Variants in PXDN observed in about 807,000 individuals in gnomAD.
PXDN encodes the protein peroxidasin.
In PXDN, 77 loss-of-function variants were observed where a neutral mutation model predicts 140.3. The ratio of observed to expected loss-of-function variants is 0.55; its 90% confidence interval spans 0.46 to 0.66. The LOEUF is 0.66. PXDN is among the 30% of genes least tolerant of loss of function. The pLI is 0.00. For synonymous variants in PXDN, 911 were observed against 857.4 expected, an observed-to-expected ratio of 1.06 and a Z score of -1.09; for missense variants, 1,838 against 2,039.5, an observed-to-expected ratio of 0.90 and a Z score of 1.90.
intron 14 of PXDN, among the ~76,000 whole-genome samples, chr2:1,658,424 C>G (rs998418424): frequency 6.6e-6 from 1 of 151,944 alleles, no homozygotes; most frequent in East Asian, 2.0e-4. Flanking sequence ...GCCCAGCAGT[C>G]CCCCCACAGT....
intron 1 of PXDN, among the ~76,000 whole-genome samples, chr2:1,723,162 T>C (rs747013737): frequency 3.4e-5 from 5 of 148,848 alleles, no homozygotes; most frequent in Non-Finnish European, 7.4e-5. Context: ...GACTGGAAAA[T>C]GGATGAGTAG....
At chr2:1,657,864 G>A (rs1329830313) in intron 14 of PXDN, among the ~76,000 whole-genome samples, 1 of 142,650 alleles carries the variant, frequency 7.0e-6, no homozygotes, top group Non-Finnish European at 1.5e-5. Context: ...TCCTGACAAG[G>A]ACGTGCCCCC....
At chr2:1,701,694 C>A (rs553764052) in intron 1 of PXDN, among the ~76,000 whole-genome samples, 2 of 152,182 alleles carry the variant, frequency 1.3e-5, no homozygotes, top group African/African-American at 4.8e-5. Context: ...TGAGCCCCCA[C>A]GGCTGCAGAC....
chr2:1,718,659 G>GCA (rs1440003901), intron 1 of PXDN, among the ~76,000 whole-genome samples: 1 of 152,246 alleles, frequency 6.6e-6, no homozygotes. Context: ...CCACAGGGCA[G>GCA]CACACACGGG....
At position 1,694,144 on chromosome 2, in the gene PXDN, G is replaced by A. The variant is rs187616574; in HGVS notation, c.201-1010C>T. 9.9e-5 allele frequency among the ~76,000 whole-genome samples: 15 copies of A among 152,174 alleles called. No individual in the cohort carries two copies. The South Asian group carries it at 1.0e-3, about 11-fold the overall frequency. Reference sequence around the variant, plus strand: ...CATAGGTCCAATCTCTTTTAATATCGTCCAGTAGGGATCGGTACGGGTTGA... The same window carrying A: ...CATAGGTCCAATCTCTTTTAATATCATCCAGTAGGGATCGGTACGGGTTGA... On this transcript the variant is annotated intron_variant, in intron 1 of 22. Transcript: ENST00000252804.
intron 9 of PXDN, among the ~76,000 whole-genome samples, chr2:1,667,963 A>C (rs531796396): frequency 9.2e-5 from 14 of 152,356 alleles, no homozygotes; most frequent in African/African-American, 3.4e-4. Flanking sequence ...TTTAAATTTC[A>C]TATGGACCAA....
intron 9 of PXDN, among the ~76,000 whole-genome samples, chr2:1,672,664 C>T (rs1326057387): frequency 6.6e-5 from 10 of 152,224 alleles, no homozygotes. Context: ...AATTCTCAGT[C>T]ACTGATAACT....
intron 4 of PXDN, among the ~76,000 whole-genome samples, chr2:1,686,741 G>A (rs1009325328): frequency 1.3e-5 from 2 of 152,158 alleles, no homozygotes; most frequent in African/African-American, 4.8e-5. Context: ...GGAAACATGA[G>A]CACCGTGGGT....
At chr2:1,652,386 G>C (rs375981443) in intron 16 of PXDN, among the ~76,000 whole-genome samples, 1 of 152,240 alleles carries the variant, frequency 6.6e-6, no homozygotes, top group Admixed American at 6.5e-5. Flanking sequence ...TTGGGAAGGG[G>C]CTGGGACCCA....
chr2:1,693,018 G>C (rs1558511550), intron 2 of PXDN, 45 bp downstream of exon 2: 1 of 1,461,774 alleles, frequency 6.8e-7, no homozygotes, highest in Non-Finnish European at 9.4e-7. Flanking sequence ...ACAATGTAAT[G>C]ATTTCTATTT....
chr2:1,703,206 A>G (rs1210071933), intron 1 of PXDN, among the ~76,000 whole-genome samples: 2 of 29,588 alleles, frequency 6.8e-5, no homozygotes, highest in African/African-American at 2.0e-4. Context: ...TGAAAGAGGG[A>G]CAACTCCAGG....
chr2:1,650,662 C>T (rs1002462733), intron 16 of PXDN, among the ~76,000 whole-genome samples: 1 of 152,148 alleles, frequency 6.6e-6, no homozygotes, highest in Non-Finnish European at 1.5e-5. Context: ...TTTCCAGGCA[C>T]ATGTCATGCC....
intron 1 of PXDN, among the ~76,000 whole-genome samples, chr2:1,738,392 C>T (rs940740707): frequency 1.3e-5 from 2 of 152,150 alleles, no homozygotes; most frequent in African/African-American, 4.8e-5. Flanking sequence ...GTTCCCCTCC[C>T]AGAGCACTGA....
chr2:1,653,957 C>CA (rs772870801), intron 15 of PXDN, 172 bp from the exon 16 acceptor site: 3 of 745,830 alleles, frequency 4.0e-6, no homozygotes, highest in Non-Finnish European at 6.2e-6. Context: ...AAAAACAAAA[C>CA]AAACAGACAA....
rs566490259 is a variant in PXDN at position 1,633,108 on chromosome 2, T to C, written c.*1096A>G. On this transcript the variant is annotated 3_prime_UTR_variant, in exon 23 of 23. Coordinates refer to ENST00000252804, the MANE Select transcript of PXDN (RefSeq NM_012293.3). ...TCTGCCATATCTAATACCTAAAAAA[T>C]GGACACAATTTCATAAAACATCACG... 3.3e-5 allele frequency: 5 copies of C among 152,110 alleles called. No homozygotes were observed. Among genetic ancestry groups the C allele is most frequent in the African/African-American group, 1.2e-4 (5 of 41,390 alleles). The allele number at this position is 152,110 out of a possible 1,614,324, so 9.4% of individuals were successfully genotyped here.
intron 1 of PXDN, among the ~76,000 whole-genome samples, chr2:1,731,989 A>G (rs751391703): frequency 7.9e-5 from 12 of 152,112 alleles, no homozygotes; most frequent in Admixed American, 6.5e-4. Context: ...TATTTATTTT[A>G]CCACACCTGC....
intron 1 of PXDN, among the ~76,000 whole-genome samples, chr2:1,701,908 G>A (rs925702469): frequency 2.0e-5 from 3 of 152,232 alleles, no homozygotes; most frequent in African/African-American, 4.8e-5. Context: ...CTCTGAACCC[G>A]GGTGGCCCTC....
In PXDN at chr2:1,635,393, GC is replaced by G. The variant is rs769319064; in HGVS notation, c.4320+14del. ...GTATACCTTAGGACATGAAGATAGAGCCCCCCATACTCACTTTGCATTCACA... is the reference window on the plus strand; with the variant it reads ...GTATACCTTAGGACATGAAGATAGAGCCCCCATACTCACTTTGCATTCACA... On this transcript the variant is annotated intron_variant, in intron 22 of 22. Transcript: ENST00000252804. 4.6e-5 allele frequency: 71 copies of G among 1,557,806 alleles called. No homozygotes were observed. The highest frequency in any genetic ancestry group is 9.5e-5 in the Admixed American group (5 of 52,386).
chr2:1,680,615 C>T (rs1043275215), intron 6 of PXDN, among the ~76,000 whole-genome samples: 10 of 152,182 alleles, frequency 6.6e-5, no homozygotes, highest in African/African-American at 1.9e-4. Context: ...ACCGTAGAGG[C>T]GTGAGTAGCA....
Sources: gnomAD v4.1 joint callset for allele counts (sites outside exome capture counted in the v4.1 genomes callset) on GRCh38, gnomAD v4.1.1 for gene constraint, MANE v1.5 for transcripts, NCBI Gene and HGNC (gene_info 2026-07-23, HGNC 2026-07-21) for gene names.